SERPINB7: variants seen among roughly 807,000 people sequenced by gnomAD.
SERPINB7 encodes serpin B7.
A neutral mutation model predicts 37.4 loss-of-function variants in SERPINB7; 31 were observed. That is an observed-to-expected ratio of 0.83 (90% CI 0.62 to 1.12). The LOEUF (loss-of-function observed/expected upper bound fraction) is 1.12. Among genes scored for constraint, SERPINB7 ranks in the 50% most tolerant of loss-of-function variants. The probability of loss-of-function intolerance (pLI) is 0.00; values close to 1 mark genes in which losing one functional copy is unlikely to be tolerated. For synonymous variants in SERPINB7, 163 were observed against 166.1 expected (o/e 0.98, Z 0.14); for missense variants, 521 against 455.3 (o/e 1.14, Z -1.31).
At chr18:63,763,069 G>T (rs1404621111) in intron 1 of SERPINB7, among the ~76,000 whole-genome samples, 2 of 152,210 alleles carry the variant, frequency 1.3e-5, no homozygotes, top group African/African-American at 4.8e-5. Context: ...TTTAACTGTG[G>T]ATTTGGGTGA....
intron 6 of SERPINB7, among the ~76,000 whole-genome samples, chr18:63,800,640 G>A (rs1442974579): frequency 1.3e-5 from 2 of 152,012 alleles, no homozygotes; most frequent in East Asian, 3.9e-4. Flanking sequence ...ACTCACCCAA[G>A]GTCACATAGT....
upstream of SERPINB7, among the ~76,000 whole-genome samples, chr18:63,772,257 A>T (rs1329775579): frequency 2.0e-5 from 3 of 152,068 alleles, no homozygotes; most frequent in Admixed American, 6.6e-5. Flanking sequence ...ATAAAGGAAA[A>T]AATTGGATAT....
rs749384768 is a variant in SERPINB7 at position 63,800,918 on chromosome 18, C to G, written c.650C>G (p.Ser217Cys). Residue 217 changes from serine (S) to cysteine (C), a missense_variant, in exon 7 of 8, where the codon TCT (serine) becomes TGT (cysteine). Physicochemically the swap from Ser to Cys is moderately radical, Grantham distance 112 (BLOSUM62 -1). Transcript: ENST00000398019. ...CATCAGGAACGGAAGTTCAATTTGT[C>G]TGTTATTGAGGACCCATCAATGAAG... ...MMHQERKFNLSVIEDPSMKIL... is the reference protein window; with the variant it reads ...MMHQERKFNLCVIEDPSMKIL... 5 of 1,613,880 alleles carry G rather than the reference C, an allele frequency of 3.1e-6. No individual in the cohort carries two copies. Among genetic ancestry groups the G allele is most frequent in the Non-Finnish European group, 4.2e-6 (5 of 1,179,856 alleles).
upstream of SERPINB7, among the ~76,000 whole-genome samples, chr18:63,772,082 C>T (rs116595011): frequency 2.5e-3 from 379 of 151,846 alleles, 2 homozygotes; most frequent in African/African-American, 8.1e-3. Context: ...AATAAGCGTA[C>T]ACTTGAGGCT....
chr18:63,763,253 C>G (rs899518439), intron 1 of SERPINB7, among the ~76,000 whole-genome samples: 60 of 152,302 alleles, frequency 3.9e-4, no homozygotes, highest in African/African-American at 1.4e-3. Flanking sequence ...TGTGCTTCAA[C>G]TTTCCTGCTA....
intron 2 of SERPINB7, among the ~76,000 whole-genome samples, chr18:63,790,035 A>G (rs1395278241): frequency 2.0e-5 from 3 of 152,220 alleles, no homozygotes; most frequent in Non-Finnish European, 2.9e-5. Flanking sequence ...AAAACATGCC[A>G]TGCATAGTCA....
chr18:63,789,976 A>C (rs569653045), intron 2 of SERPINB7, among the ~76,000 whole-genome samples: 1 of 152,306 alleles, frequency 6.6e-6, no homozygotes, highest in Admixed American at 6.5e-5. Flanking sequence ...TCACTCAGTC[A>C]CTGCAGGTTC....
intron 1 of SERPINB7, among the ~76,000 whole-genome samples, chr18:63,757,487 G>A (rs1371037458): frequency 6.6e-6 from 1 of 152,168 alleles, no homozygotes; most frequent in Admixed American, 6.5e-5. Context: ...ATTTAACTGT[G>A]TTGTTTGCCA....
rs74169985 is a variant in SERPINB7 at position 63,756,804 on chromosome 18, T to TTGTGTGTGTGTG, written c.-19+3714_-19+3725dup. Among the ~76,000 whole-genome samples the TTGTGTGTGTGTG allele has an allele frequency of 4.9e-3, 670 of 137,316 alleles. 4 individuals carry two copies. Among genetic ancestry groups the TTGTGTGTGTGTG allele is most frequent in the Middle Eastern group, 0.019 (5 of 264 alleles). The allele number at this position is 137,316 out of a possible 152,430, so 90.1% of individuals were successfully genotyped here. On this transcript the variant is annotated intron_variant, in intron 1 of 7. Coordinates refer to the SERPINB7 transcript ENST00000336429. Reference sequence around the variant, plus strand: ...GTTGTTTCCAGGGTCTTGGGGTAGCTTGTGTGTGTGTGTGTGTGTGTGTGT... The same window carrying TTGTGTGTGTGTG: ...GTTGTTTCCAGGGTCTTGGGGTAGCTTGTGTGTGTGTGTGTGTGTGTGTGTGTGTGTGTGTGT...
At chr18:63,754,605 C>T (rs2049109853) in intron 1 of SERPINB7, among the ~76,000 whole-genome samples, 2 of 152,172 alleles carry the variant, frequency 1.3e-5, no homozygotes, top group Admixed American at 1.3e-4. Flanking sequence ...GTGGGCAGGA[C>T]ACGCAGGTAT....
intron 1 of SERPINB7, among the ~76,000 whole-genome samples, chr18:63,758,685 A>G (rs2049135380): frequency 2.0e-5 from 3 of 152,326 alleles, no homozygotes; most frequent in African/African-American, 4.8e-5. Context: ...GGTCTCTGCT[A>G]TAAAGCTTAA....
chr18:63,780,759 G>A (rs914962348), intron 1 of SERPINB7, among the ~76,000 whole-genome samples: 2 of 152,108 alleles, frequency 1.3e-5, no homozygotes, highest in African/African-American at 2.4e-5. Context: ...GACTTATAAC[G>A]AATTCTATAT....
chr18:63,766,259 C>T (rs552513667), intron 1 of SERPINB7, among the ~76,000 whole-genome samples: 4 of 152,208 alleles, frequency 2.6e-5, no homozygotes, highest in South Asian at 2.1e-4. Flanking sequence ...TGGCTTCTCC[C>T]GTTTCCCATT....
chr18:63,777,338 G>C (rs1279578761), intron 1 of SERPINB7, among the ~76,000 whole-genome samples: 1 of 152,002 alleles, frequency 6.6e-6, no homozygotes, highest in Non-Finnish European at 1.5e-5. Flanking sequence ...ACTCCTCTAT[G>C]ACAGTTGAAT....
chr18:63,794,090 C>T (rs2049458895), intron 4 of SERPINB7, among the ~76,000 whole-genome samples: 2 of 149,354 alleles, frequency 1.3e-5, no homozygotes, highest in Non-Finnish European at 1.5e-5. Flanking sequence ...ATTACAGGCA[C>T]GTGCCACCAC....
chr18:63,794,110 A>ATTTTTTTTTTTTTTT (rs34450022), intron 4 of SERPINB7, among the ~76,000 whole-genome samples: 336 of 105,538 alleles, frequency 3.2e-3, no homozygotes, highest in Middle Eastern at 8.8e-3. Flanking sequence ...CATCCTGCTA[A>ATTTTTTTTTTTTTTT]TTTTTTTTTT....
At chr18:63,798,523 C>CCT in intron 5 of SERPINB7, 81 bp from the exon 6 acceptor site, 1 of 1,140,048 alleles carries the variant, frequency 8.8e-7, no homozygotes, top group Non-Finnish European at 1.2e-6. Context: ...AAAAAAACTT[C>CCT]ATACCAATTA....
At position 63,804,510 on chromosome 18, in the gene SERPINB7, A is replaced by C; in HGVS notation, c.1018A>C (p.Thr340Pro). 3.7e-6 allele frequency: 6 copies of C among 1,613,856 alleles called. No individual in the cohort carries two copies. Among genetic ancestry groups the C allele is most frequent in the Non-Finnish European group, 5.1e-6 (6 of 1,179,888 alleles). ...GGAGGGCACCGAGGCTACTGCTGCC[A>C]CAGGAAGTAATATTGTAGAAAAGCA... ...TEEGTEATAA[T>P]GSNIVEKQLP... Residue 340 changes from threonine (T) to proline (P), a missense_variant, in exon 8 of 8, where the codon ACA (threonine) becomes CCA (proline). By Grantham distance (38) the Thr-to-Pro change is conservative. Coordinates refer to ENST00000398019, the MANE Select transcript of SERPINB7 (RefSeq NM_003784.4).
chr18:63,792,589 C>T lies in SERPINB7; in HGVS notation c.219+146C>T, dbSNP rs762593208. On this transcript the variant is annotated intron_variant, in intron 3 of 7. Coordinates refer to ENST00000398019, the MANE Select transcript of SERPINB7 (RefSeq NM_003784.4). ...ACCAGCCTGGGCAACATGGCAAAACCCCATCTCTGCAAAATATACAAAAAT... is the reference window on the plus strand; with the variant it reads ...ACCAGCCTGGGCAACATGGCAAAACTCCATCTCTGCAAAATATACAAAAAT... The T allele has an allele frequency of 3.8e-5, 21 of 559,280 alleles. No homozygotes were observed. The East Asian group carries it at 6.2e-4, about 16-fold the overall frequency. 34.6% of individuals were successfully genotyped at this position (559,280 alleles called of 1,614,324 possible). A position where few individuals can be genotyped will look rare whatever the true frequency, so the allele number is the denominator to read the frequency against.
Sources: gnomAD v4.1 joint callset for allele counts (sites outside exome capture counted in the v4.1 genomes callset) on GRCh38, gnomAD v4.1.1 for gene constraint, MANE v1.5 for transcripts, NCBI Gene and HGNC (gene_info 2026-07-23, HGNC 2026-07-21) for gene names.